Variants in GAREM1 observed in about 807,000 individuals in gnomAD.
The protein encoded by GAREM1 is GRB2 associated regulator of MAPK1 subtype 1.
A neutral mutation model predicts 71.3 loss-of-function variants in GAREM1; 26 were observed. The ratio of observed to expected loss-of-function variants is 0.36; its 90% CI spans 0.27 to 0.51. GAREM1 has a LOEUF of 0.51. Among genes scored for constraint, GAREM1 ranks in the 20% least tolerant of loss-of-function variants. The pLI is 0.95. For missense variants in GAREM1, 1,026 were observed against 1,103.1 expected, an observed-to-expected ratio of 0.93 and a Z score of 0.99; for synonymous variants, 440 against 433.2, an observed-to-expected ratio of 1.02 and a Z score of -0.20.
Position 32,329,662 on chromosome 18 carries a change from C to T in GAREM1, c.263-19339G>A, listed in dbSNP as rs182545658. ...CGGAGGTTACAGTGAGCCGAGATTG[C>T]GCCACTGCACTCCAGCCTGGGTGAC... On this transcript the variant is annotated intron_variant, in intron 2 of 5. Coordinates refer to ENST00000269209, the MANE Select transcript of GAREM1 (RefSeq NM_001242409.2). 6.1e-4 allele frequency among the ~76,000 whole-genome samples: 86 copies of T among 142,130 alleles called. No individual in the cohort carries two copies. In the East Asian group the frequency reaches 0.013, roughly 22 times the overall value. 93.2% of individuals were successfully genotyped at this position (142,130 alleles called of 152,430 possible).
intron 1 of GAREM1, among the ~76,000 whole-genome samples, chr18:32,447,355 C>T (rs1047964623): frequency 1.3e-5 from 2 of 152,090 alleles, no homozygotes; most frequent in African/African-American, 2.4e-5. Flanking sequence ...AAATTCTCTA[C>T]TTTTGAATTT....
intron 2 of GAREM1, among the ~76,000 whole-genome samples, chr18:32,378,057 T>TGTGTGC (rs1293817110): frequency 2.9e-3 from 370 of 127,574 alleles, no homozygotes; most frequent in East Asian, 0.014. Flanking sequence ...TGTGTGTGTG[T>TGTGTGC]GCGCGCGGGC....
chr18:32,288,547 AAATTTT>A, intron 3 of GAREM1, among the ~76,000 whole-genome samples: 1 of 151,770 alleles, frequency 6.6e-6, no homozygotes. Context: ...TTTATTATTT[AAATTTT>A]AATTTTTTAC....
chr18:32,277,217 G>A (rs920408358), intron 4 of GAREM1, among the ~76,000 whole-genome samples: 2 of 152,140 alleles, frequency 1.3e-5, no homozygotes, highest in African/African-American at 4.8e-5. Context: ...AAGGAGTGAG[G>A]CAGTTGTTAC....
chr18:32,422,517 A>T (rs1388709326), intron 1 of GAREM1, among the ~76,000 whole-genome samples: 1 of 152,194 alleles, frequency 6.6e-6, no homozygotes, highest in South Asian at 2.1e-4. Flanking sequence ...ATGATGCTCA[A>T]TGTATGTTTC....
rs1361626477 is a variant in GAREM1, at chr18:32,393,053, AT to A, written c.122-19del. The A allele has an allele frequency of 6.2e-7, 1 of 1,603,896 alleles. No homozygotes were observed. Among genetic ancestry groups the A allele is most frequent in the South Asian group, 1.1e-5 (1 of 89,844 alleles). On this transcript the variant is annotated intron_variant, in intron 1 of 5. Coordinates refer to ENST00000269209, the MANE Select transcript of GAREM1 (RefSeq NM_001242409.2). Reference sequence around the variant, plus strand: ...GCACTCTCCTAGGAAATACAATTTTATATGAGAAACTTAGAATTCATAATCT... The same window carrying A: ...GCACTCTCCTAGGAAATACAATTTTAATGAGAAACTTAGAATTCATAATCT...
chr18:32,364,109 A>C (rs1273076085), intron 2 of GAREM1, among the ~76,000 whole-genome samples: 2 of 136,188 alleles, frequency 1.5e-5, no homozygotes, highest in Non-Finnish European at 3.1e-5. Flanking sequence ...ATCTCAGCTC[A>C]CTGCAACCTC....
At chr18:32,378,012 C>CTGTGTGTGTGTGTGTGTGTGTG (rs1157230204) in intron 2 of GAREM1, among the ~76,000 whole-genome samples, 25 of 131,856 alleles carry the variant, frequency 1.9e-4, no homozygotes, top group South Asian at 7.7e-4. Flanking sequence ...TACTATATAA[C>CTGTGTGTGTGTGTGTGTGTGTG]TGTGTGTGTG....
chr18:32,278,072 T>C (rs2041565768), intron 4 of GAREM1, among the ~76,000 whole-genome samples: 1 of 152,240 alleles, frequency 6.6e-6, no homozygotes. Context: ...GACTCCTCTG[T>C]TCTGTGGAGG....
In GAREM1 at chr18:32,373,013, CA is replaced by C. The variant is rs376126339; in HGVS notation, c.262+19881del. ...TTCTCTTCCATAGAAGTTATCCTGG[CA>C]GACATCAGAGGAACATGTTTGACAA... is the stretch of plus-strand genomic sequence containing the variant. On this transcript the variant is annotated intron_variant, in intron 2 of 5. Coordinates refer to ENST00000269209, the MANE Select transcript of GAREM1 (RefSeq NM_001242409.2). Among the ~76,000 whole-genome samples, 117 of 152,294 alleles carry C rather than the reference CA, an allele frequency of 7.7e-4. 1 individual carries two copies. The East Asian group carries it at 0.018, about 24-fold the overall frequency.
chr18:32,443,312 T>G (rs944612538), intron 1 of GAREM1, among the ~76,000 whole-genome samples: 1 of 152,102 alleles, frequency 6.6e-6, no homozygotes, highest in African/African-American at 2.4e-5. Flanking sequence ...AAATTAAAAT[T>G]TTTGTGCTTC....
chr18:32,374,126 C>G (rs557001446), intron 2 of GAREM1, among the ~76,000 whole-genome samples: 2 of 152,316 alleles, frequency 1.3e-5, no homozygotes, highest in African/African-American at 4.8e-5. Flanking sequence ...TATCTCCTAT[C>G]AGATATTTCA....
chr18:32,470,479 A>C lies in GAREM1; in HGVS notation c.-51T>G, dbSNP rs1007361080. On this transcript the variant is annotated 5_prime_UTR_variant, in exon 1 of 6. Transcript: ENST00000269209. The surrounding 1 kb of genome is among the most constrained non-coding windows in gnomAD (Gnocchi z 4.4). ...CTCCCCCGCCGCCGCCACCGGCACC[A>C]CCCGCGCCTCGGCGGCCGCCGCTGC... is the stretch of plus-strand genomic sequence containing the variant. 1 of 1,216,084 alleles carries C rather than the reference A, an allele frequency of 8.2e-7. No homozygotes were observed. The allele number at this position is 1,216,084 out of a possible 1,614,324, so 75.3% of individuals were successfully genotyped here.
chr18:32,330,244 T>C (rs571773930), intron 2 of GAREM1, among the ~76,000 whole-genome samples: 1 of 152,190 alleles, frequency 6.6e-6, no homozygotes, highest in Non-Finnish European at 1.5e-5. Flanking sequence ...CCTAAGTGAA[T>C]TAATGCAGGT....
chr18:32,285,593 A>C (rs1159753712), intron 4 of GAREM1, among the ~76,000 whole-genome samples: 2 of 152,158 alleles, frequency 1.3e-5, no homozygotes, highest in Non-Finnish European at 2.9e-5. Context: ...TTCTAAACTC[A>C]TTTAAAATGT....
chr18:32,275,922 G>A (rs1000199813), intron 4 of GAREM1, among the ~76,000 whole-genome samples: 2 of 152,170 alleles, frequency 1.3e-5, no homozygotes, highest in Non-Finnish European at 2.9e-5. Context: ...TGATTCGCCC[G>A]CCTCGGCCTC....
At chr18:32,462,261 G>T (rs1475412877) in intron 1 of GAREM1, among the ~76,000 whole-genome samples, 1 of 152,126 alleles carries the variant, frequency 6.6e-6, no homozygotes, top group Non-Finnish European at 1.5e-5. Context: ...GTATGTAAAG[G>T]TTCCCTTTTC....
At chr18:32,410,233 A>G (rs2048403336) in intron 1 of GAREM1, among the ~76,000 whole-genome samples, 1 of 152,232 alleles carries the variant, frequency 6.6e-6, no homozygotes, top group Non-Finnish European at 1.5e-5. Flanking sequence ...CTCTGCTTCC[A>G]GTAACTTAAA....
chr18:32,383,528 C>T (rs2048116053), intron 2 of GAREM1, among the ~76,000 whole-genome samples: 1 of 152,212 alleles, frequency 6.6e-6, no homozygotes, highest in African/African-American at 2.4e-5. Context: ...AAAGGTCACA[C>T]TACTTCTTAG....
Sources: gnomAD v4.1 joint callset for allele counts (sites outside exome capture counted in the v4.1 genomes callset) on GRCh38, gnomAD v4.1.1 for gene constraint, Gnocchi (gnomAD v3.1) non-coding constraint, MANE v1.5 for transcripts, NCBI Gene and HGNC (gene_info 2026-07-23, HGNC 2026-07-21) for gene names.